The following KIF15 variants were observed in gnomAD, a reference collection of about 807,000 sequenced individuals.
KIF15 encodes kinesin-like protein KIF15.
A neutral mutation model predicts 190.6 loss-of-function variants in KIF15; 140 were observed. The observed-to-expected ratio is 0.73, with a 90% CI of 0.64 to 0.84. The LOEUF (loss-of-function observed/expected upper bound fraction) is 0.84, where lower values mean the gene tolerates loss of function less well. KIF15 is among the 40% of genes least tolerant of loss of function. The pLI is 0.00. For synonymous variants in KIF15, 528 were observed against 551.3 expected, an observed-to-expected ratio of 0.96 and a Z score of 0.59; for missense variants, 1,372 against 1,584.4, an observed-to-expected ratio of 0.87 and a Z score of 2.28.
In KIF15 at chr3:44,761,802, G is replaced by C; in HGVS notation, c.-64G>C. ...TTGAGCGGGCGGAATTCAGTCGCGC[G>C]CGGTGCAGTCGGGAGGTGGAGGCAC... is the stretch of plus-strand genomic sequence containing the variant. On this transcript the variant is annotated 5_prime_UTR_variant, in exon 1 of 35. Transcript: ENST00000326047. 6.2e-7 allele frequency: 1 copy of C among 1,611,486 alleles called. No individual in the cohort carries two copies. The highest frequency in any genetic ancestry group is 1.7e-5 in the Admixed American group (1 of 60,000).
chr3:44,822,537 T>A (rs1697401788), intron 20 of KIF15, among the ~76,000 whole-genome samples: 1 of 152,214 alleles, frequency 6.6e-6, no homozygotes, highest in Non-Finnish European at 1.5e-5. Context: ...TTTCCTGAAT[T>A]TGAATGTTGG....
downstream of KIF15, among the ~76,000 whole-genome samples, chr3:44,857,694 G>A (rs140514095): frequency 3.6e-3 from 543 of 152,304 alleles, 1 homozygote; most frequent in African/African-American, 0.013. Flanking sequence ...ATCCAAAGTC[G>A]AAAGTATCCA....
intron 13 of KIF15, among the ~76,000 whole-genome samples, chr3:44,802,597 T>C (rs951742652): frequency 5.3e-5 from 8 of 152,170 alleles, no homozygotes; most frequent in Admixed American, 2.6e-4. Context: ...TGGGTGAACA[T>C]TTCAAGGGTC....
intron 20 of KIF15, among the ~76,000 whole-genome samples, chr3:44,819,435 G>T: frequency 6.6e-6 from 1 of 152,268 alleles, no homozygotes; most frequent in Admixed American, 6.5e-5. Flanking sequence ...AGAGATTCTG[G>T]TACATTGTAT....
At chr3:44,829,692 A>T (rs1697949744) in intron 24 of KIF15, among the ~76,000 whole-genome samples, 1 of 124,942 alleles carries the variant, frequency 8.0e-6, no homozygotes, top group Non-Finnish European at 1.6e-5. Flanking sequence ...TATATTATAG[A>T]TGTATATATA....
intron 6 of KIF15, 85 bp downstream of exon 6, chr3:44,785,027 T>G: frequency 1.5e-6 from 1 of 687,998 alleles, no homozygotes; most frequent in Non-Finnish European, 2.5e-6. Flanking sequence ...TGATACATGG[T>G]GGAGCATGGA....
Position 44,832,300 on chromosome 3 carries a change from TG to T in KIF15, c.3171+1283del, listed in dbSNP as rs551177861. ...ACTGAGCCTGTGTAGTGAAGTGTCT[TG>T]AGGAACGTCAGCTGTATCTTTTAGG... is the stretch of plus-strand genomic sequence containing the variant. On this transcript the variant is annotated intron_variant, in intron 26 of 34. Coordinates refer to ENST00000326047, the MANE Select transcript of KIF15 (RefSeq NM_020242.3). Among the ~76,000 whole-genome samples, 192 of 152,238 alleles carry T rather than the reference TG, an allele frequency of 1.3e-3. 2 individuals carry two copies. Among genetic ancestry groups the T allele is most frequent in the Middle Eastern group, 3.4e-3 (1 of 294 alleles).
At chr3:44,763,026 T>C (rs1449216273) in intron 1 of KIF15, among the ~76,000 whole-genome samples, 1 of 152,174 alleles carries the variant, frequency 6.6e-6, no homozygotes, top group Non-Finnish European at 1.5e-5. Context: ...TAATGAGATA[T>C]ATGTATGTGA....
chr3:44,801,213 G>T lies in KIF15; in HGVS notation c.1223-237G>T, dbSNP rs1010479705. Among the ~76,000 whole-genome samples the T allele has an allele frequency of 1.1e-4, 14 of 131,352 alleles. 2 individuals carry two copies. Among genetic ancestry groups the T allele is most frequent in the South Asian group, 4.6e-4 (2 of 4,388 alleles). The allele number at this position is 131,352 out of a possible 152,430, so 86.2% of individuals were successfully genotyped here. A position where few individuals can be genotyped will look rare whatever the true frequency, so the allele number is the denominator to read the frequency against. On this transcript the variant is annotated intron_variant, in intron 11 of 34. Transcript: ENST00000326047. Reference sequence around the variant, plus strand: ...TTAGTAGAGATCGGGGGCGGCGGGAGGGGGGGGTCTCACCATGTTGGCCAG... The same window carrying T: ...TTAGTAGAGATCGGGGGCGGCGGGATGGGGGGGTCTCACCATGTTGGCCAG...
intron 6 of KIF15, chr3:44,863,361 A>G (rs1319577244): frequency 8.2e-6 from 1 of 121,412 alleles, no homozygotes; most frequent in Non-Finnish European, 1.6e-5. Flanking sequence ...AGCAAGGGGG[A>G]CTGCATATCC....
intron 6 of KIF15, among the ~76,000 whole-genome samples, chr3:44,861,316 A>G (rs1037393679): frequency 6.6e-6 from 1 of 152,274 alleles, no homozygotes; most frequent in African/African-American, 2.4e-5. Flanking sequence ...ATACGTAAGT[A>G]TAACAGGAGA....
chr3:44,767,401 C>T lies in KIF15; in HGVS notation c.19+5517C>T, dbSNP rs140582729. On this transcript the variant is annotated intron_variant, in intron 1 of 34. Transcript: ENST00000326047. Reference sequence around the variant, plus strand: ...GCCAAAGCTTTGCTGAGATTGGATACGAAGAGTGAGAAAGAACAGGGTCAG... The same window carrying T: ...GCCAAAGCTTTGCTGAGATTGGATATGAAGAGTGAGAAAGAACAGGGTCAG... Among the ~76,000 whole-genome samples the T allele has an allele frequency of 8.1e-3, 1,230 of 152,164 alleles. 7 individuals are homozygous for T. Among genetic ancestry groups the T allele is most frequent in the Non-Finnish European group, 0.014 (920 of 68,010 alleles).
chr3:44,829,580 GTATATAT>G (rs1286394626), intron 24 of KIF15, among the ~76,000 whole-genome samples: 81 of 109,488 alleles, frequency 7.4e-4, no homozygotes, highest in Admixed American at 1.4e-3. Flanking sequence ...TATTATATAT[GTATATAT>G]TATATATTAT....
chr3:44,852,898 T>C lies in KIF15; in HGVS notation c.*163T>C, dbSNP rs1483020589. The C allele has an allele frequency of 1.8e-6, 1 of 548,460 alleles. No homozygotes were observed. The highest frequency in any genetic ancestry group is 3.1e-6 in the Non-Finnish European group (1 of 318,138). The allele number at this position is 548,460 out of a possible 1,614,324, so 34.0% of individuals were successfully genotyped here. ...CACCTCAAGTTTCTGATGAACATTC[T>C]GCATCCATATACACCCTGTGACAGT... On this transcript the variant is annotated 3_prime_UTR_variant, in exon 35 of 35. Transcript: ENST00000326047.
rs747406816 is a variant in KIF15 at position 44,826,342 on chromosome 3, AAC to A, written c.2701-31_2701-30del. The A allele has an allele frequency of 5.7e-6, 9 of 1,589,702 alleles. No individual in the cohort carries two copies. The East Asian group carries it at 1.1e-4, about 20-fold the overall frequency. ...TGTTCGTTGACTATGCATTGCTAGT[AAC>A]AGTTACTTAAAATCTAATGTTGTCT... On this transcript the variant is annotated intron_variant, in intron 21 of 34. Coordinates refer to ENST00000326047, the MANE Select transcript of KIF15 (RefSeq NM_020242.3).
Position 44,826,401 on chromosome 3 carries a change from A to G in KIF15, c.2727A>G (p.Glu909=). The G allele has an allele frequency of 1.2e-6, 2 of 1,613,360 alleles. No homozygotes were observed. The highest frequency in any genetic ancestry group is 1.3e-5 in the African/African-American group (1 of 75,030). ...LNNLMELLEA[E]KERNNKLSLQ... is the part of the protein sequence containing the mutation. ...ATTTGATGGAGCTTCTTGAGGCAGA[A>G]AAAGAACGCAATAACAAATTATCAT... is the stretch of plus-strand genomic sequence containing the variant. Residue 909 remains glutamate (E), a synonymous_variant, in exon 22 of 35, where the codon GAA becomes GAG. Transcript: ENST00000326047.
At chr3:44,818,717 G>A (rs1221605647) in intron 20 of KIF15, among the ~76,000 whole-genome samples, 2 of 152,192 alleles carry the variant, frequency 1.3e-5, no homozygotes, top group South Asian at 4.1e-4. Flanking sequence ...TTTTTGTTGT[G>A]TCTCTGCCAG....
chr3:44,765,732 A>G (rs1705345286), intron 1 of KIF15, among the ~76,000 whole-genome samples: 1 of 152,188 alleles, frequency 6.6e-6, no homozygotes, highest in Non-Finnish European at 1.5e-5. Flanking sequence ...TGTCTTCTGC[A>G]AGTGAACAGG....
chr3:44,773,648 A>G (rs1449299466), intron 1 of KIF15, among the ~76,000 whole-genome samples: 3 of 152,226 alleles, frequency 2.0e-5, no homozygotes, highest in Non-Finnish European at 4.4e-5. Context: ...GAGGGGTAGA[A>G]GGGGGCACAG....
Sources: allele counts gnomAD v4.1 joint callset (sites outside exome capture counted in the v4.1 genomes callset), GRCh38; gene constraint gnomAD v4.1.1; transcripts MANE v1.5; gene names NCBI Gene and HGNC (gene_info 2026-07-23, HGNC 2026-07-21).